KCTD8: variants seen among roughly 807,000 people sequenced by gnomAD.
KCTD8 encodes the protein potassium channel tetramerization domain containing 8.
Under a neutral mutation model 31.5 loss-of-function variants are expected in KCTD8, and 27 were observed. That is an observed-to-expected ratio of 0.86 (90% CI 0.63 to 1.18). The LOEUF (loss-of-function observed/expected upper bound fraction) is 1.18. KCTD8 is among the 50% of genes most tolerant of loss of function. The pLI, the probability that KCTD8 is intolerant of heterozygous loss-of-function variation, is 0.00. For missense variants in KCTD8, 658 were observed against 647.7 expected (o/e 1.02, Z -0.17); for synonymous variants, 290 against 280.0 (o/e 1.04, Z -0.36).
chr4:44,199,131 G>A, intron 1 of KCTD8, among the ~76,000 whole-genome samples: 1 of 152,042 alleles, frequency 6.6e-6, no homozygotes, highest in Non-Finnish European at 1.5e-5. Context: ...CCCAACAGTG[G>A]AGCACCCAGA....
At chr4:44,401,466 T>C (rs1300403962) in intron 1 of KCTD8, among the ~76,000 whole-genome samples, 1 of 151,978 alleles carries the variant, frequency 6.6e-6, no homozygotes, top group Non-Finnish European at 1.5e-5. Context: ...GAAAGTACAG[T>C]TGGGAGAACA....
intron 1 of KCTD8, among the ~76,000 whole-genome samples, chr4:44,178,057 G>A (rs1048037700): frequency 6.6e-6 from 1 of 152,164 alleles, no homozygotes; most frequent in Non-Finnish European, 1.5e-5. Context: ...TAGGTTTGGG[G>A]TCCTACTGAC....
chr4:44,375,492 T>A (rs1719895319), intron 1 of KCTD8, among the ~76,000 whole-genome samples: 1 of 152,124 alleles, frequency 6.6e-6, no homozygotes, highest in African/African-American at 2.4e-5. Flanking sequence ...GTGAGATGTC[T>A]CTGTTCCTGG....
chr4:44,441,710 T>C (rs1477672399), intron 1 of KCTD8, among the ~76,000 whole-genome samples: 3 of 152,218 alleles, frequency 2.0e-5, no homozygotes, highest in Non-Finnish European at 2.9e-5. Context: ...AGTGTTCTAA[T>C]TGAACTATTA....
intron 1 of KCTD8, among the ~76,000 whole-genome samples, chr4:44,343,599 C>T (rs952069740): frequency 2.6e-5 from 4 of 152,104 alleles, no homozygotes; most frequent in Non-Finnish European, 4.4e-5. Flanking sequence ...TAAAAAATTG[C>T]AATATCTATA....
chr4:44,310,368 T>A (rs1717915917), intron 1 of KCTD8, among the ~76,000 whole-genome samples: 1 of 152,068 alleles, frequency 6.6e-6, no homozygotes, highest in Non-Finnish European at 1.5e-5. Context: ...ATTTTAGTGC[T>A]GCAATAAAAA....
intron 1 of KCTD8, among the ~76,000 whole-genome samples, chr4:44,263,656 A>T (rs1394193783): frequency 6.6e-6 from 1 of 152,174 alleles, no homozygotes; most frequent in Non-Finnish European, 1.5e-5. Flanking sequence ...TTGGAAAAAA[A>T]TGGTTTTAAA....
intron 1 of KCTD8, among the ~76,000 whole-genome samples, chr4:44,311,778 C>G (rs1009874260): frequency 7.9e-5 from 12 of 151,588 alleles, no homozygotes; most frequent in African/African-American, 2.9e-4. Flanking sequence ...AACTCCGTGG[C>G]TTGATTGGAT....
chr4:44,196,404 AT>A (rs1713942511), intron 1 of KCTD8, among the ~76,000 whole-genome samples: 1 of 152,178 alleles, frequency 6.6e-6, no homozygotes, highest in Admixed American at 6.5e-5. Flanking sequence ...AAATTGTGTA[AT>A]TTTGGTGATT....
chr4:44,320,864 A>G (rs1485968302), intron 1 of KCTD8, among the ~76,000 whole-genome samples: 1 of 151,284 alleles, frequency 6.6e-6, no homozygotes, highest in African/African-American at 2.4e-5. Flanking sequence ...CTCTTTGCTA[A>G]TGCACTTTGG....
At chr4:44,286,678 C>A (rs574493530) in intron 1 of KCTD8, among the ~76,000 whole-genome samples, 1 of 152,186 alleles carries the variant, frequency 6.6e-6, no homozygotes, top group East Asian at 1.9e-4. Context: ...TTTTATGCCA[C>A]TGGGATAAGG....
intron 1 of KCTD8, among the ~76,000 whole-genome samples, chr4:44,221,177 T>C (rs1429364936): frequency 6.6e-6 from 1 of 152,204 alleles, no homozygotes; most frequent in African/African-American, 2.4e-5. Context: ...TCTGCTAAAC[T>C]AGACTGGAAT....
chr4:44,367,318 T>C (rs998617047), intron 1 of KCTD8, among the ~76,000 whole-genome samples: 1 of 152,182 alleles, frequency 6.6e-6, no homozygotes, highest in African/African-American at 2.4e-5. Context: ...GGACACAGCC[T>C]GATACACGGA....
intron 1 of KCTD8, among the ~76,000 whole-genome samples, chr4:44,441,418 ATAAAG>A (rs1721807598): frequency 2.6e-5 from 4 of 152,218 alleles, no homozygotes; most frequent in Admixed American, 6.5e-5. Context: ...CCAGCAAGAC[ATAAAG>A]TATATATTTA....
chr4:44,403,615 G>A (rs1465623118), intron 1 of KCTD8, among the ~76,000 whole-genome samples: 1 of 151,960 alleles, frequency 6.6e-6, no homozygotes, highest in African/African-American at 2.4e-5. Context: ...AAACATATTA[G>A]GTGTCTTTTT....
intron 1 of KCTD8, among the ~76,000 whole-genome samples, chr4:44,304,243 A>T (rs1275493456): frequency 6.6e-6 from 1 of 152,174 alleles, no homozygotes; most frequent in Non-Finnish European, 1.5e-5. Context: ...GGTATGTGGT[A>T]CACGAATCCC....
chr4:44,239,451 A>T, intron 1 of KCTD8, among the ~76,000 whole-genome samples: 1 of 152,220 alleles, frequency 6.6e-6, no homozygotes, highest in Admixed American at 6.5e-5. Flanking sequence ...TAGTGTTATC[A>T]AGTTGATGAA....
Position 44,442,510 on chromosome 4 carries a change from C to T in KCTD8, c.961+5053G>A, listed in dbSNP as rs193133378. The stretch of plus-strand genomic sequence containing the variant: ...GCCGAGGCAGGAGAATGACTTGAAC[C>T]TGGGAGGCGGAGGTTGCAGTGAGCC... On this transcript the variant is annotated intron_variant, in intron 1 of 1. Transcript: ENST00000360029. Among the ~76,000 whole-genome samples, 450 of 152,188 alleles carry T rather than the reference C, an allele frequency of 3.0e-3. 3 individuals carry two copies. Among genetic ancestry groups the T allele is most frequent in the African/African-American group, 0.01 (418 of 41,532 alleles).
chr4:44,384,296 A>C (rs1720152222), intron 1 of KCTD8, among the ~76,000 whole-genome samples: 2 of 151,962 alleles, frequency 1.3e-5, no homozygotes, highest in Non-Finnish European at 2.9e-5. Flanking sequence ...CATATGATCC[A>C]GCAATCCTAC....
Sources: allele counts gnomAD v4.1 joint callset (sites outside exome capture counted in the v4.1 genomes callset), GRCh38; gene constraint gnomAD v4.1.1; transcripts MANE v1.5; gene names NCBI Gene and HGNC (gene_info 2026-07-23, HGNC 2026-07-21).